The following ZBTB20 variants were observed in gnomAD, a reference collection of about 807,000 sequenced individuals.
ZBTB20 encodes zinc finger and BTB domain containing 20.
Under a neutral mutation model 56.9 loss-of-function variants are expected in ZBTB20, and 9 were observed. That is an observed-to-expected ratio of 0.16 (90% CI 0.10 to 0.28). The LOEUF (loss-of-function observed/expected upper bound fraction) is 0.28. Among genes scored for constraint, ZBTB20 ranks in the 10% least tolerant of loss-of-function variants. The pLI is 1.00. For missense variants in ZBTB20, 655 were observed against 1,003.0 expected (o/e 0.65, Z 4.69); for synonymous variants, 417 against 420.7 (o/e 0.99, Z 0.11).
chr3:114,810,737 C>T (rs922919169), intron 4 of ZBTB20, among the ~76,000 whole-genome samples: 1 of 152,178 alleles, frequency 6.6e-6, no homozygotes, highest in Admixed American at 6.5e-5. Context: ...CGAATGACCA[C>T]TGCCTAATTC....
intron 2 of ZBTB20, among the ~76,000 whole-genome samples, chr3:115,049,609 G>A (rs2081465610): frequency 1.3e-5 from 2 of 152,066 alleles, no homozygotes; most frequent in South Asian, 4.1e-4. Context: ...TTCCACTTCT[G>A]GCATCATGGC....
intron 2 of ZBTB20, among the ~76,000 whole-genome samples, chr3:115,062,960 C>G (rs181170761): frequency 6.6e-6 from 1 of 152,156 alleles, no homozygotes; most frequent in Non-Finnish European, 1.5e-5. Flanking sequence ...ACCTACCAAA[C>G]CAAATGAAAG....
intron 6 of ZBTB20, among the ~76,000 whole-genome samples, chr3:114,534,841 C>G (rs1018055567): frequency 1.3e-5 from 2 of 152,210 alleles, no homozygotes; most frequent in African/African-American, 4.8e-5. Context: ...GAAACTCACT[C>G]AAAACCACAC....
intron 4 of ZBTB20, among the ~76,000 whole-genome samples, chr3:114,850,649 G>C (rs1029590503): frequency 6.6e-6 from 1 of 152,224 alleles, no homozygotes; most frequent in Non-Finnish European, 1.5e-5. Flanking sequence ...TTTGAACTAA[G>C]GTGGTCTGGC....
At chr3:114,484,545 C>A (rs1452964386) in intron 7 of ZBTB20, among the ~76,000 whole-genome samples, 1 of 152,178 alleles carries the variant, frequency 6.6e-6, no homozygotes, top group Non-Finnish European at 1.5e-5. Flanking sequence ...ATGCAGCTTT[C>A]TTAATTAAGA....
chr3:114,665,385 A>C (rs1401775542), intron 6 of ZBTB20, among the ~76,000 whole-genome samples: 1 of 151,886 alleles, frequency 6.6e-6, no homozygotes, highest in Non-Finnish European at 1.5e-5. Flanking sequence ...GTTTAAGTAC[A>C]CTCTATGATG....
chr3:114,512,606 C>G (rs970410560), intron 6 of ZBTB20, among the ~76,000 whole-genome samples: 1 of 152,124 alleles, frequency 6.6e-6, no homozygotes, highest in African/African-American at 2.4e-5. Flanking sequence ...CCTTTGTGAG[C>G]TATACTATCA....
At position 115,073,066 on chromosome 3, in the gene ZBTB20, G is replaced by A. The variant is rs1394249889; in HGVS notation, c.-702-1652C>T. ...TTATCAGTGTCATTTTCTATAACAGGAGTAACAAATAGTTCATGTAAGAAA... is the reference window on the plus strand; with the variant it reads ...TTATCAGTGTCATTTTCTATAACAGAAGTAACAAATAGTTCATGTAAGAAA... On this transcript the variant is annotated intron_variant, in intron 1 of 11. Transcript: ENST00000675478. 2.0e-5 allele frequency among the ~76,000 whole-genome samples: 3 copies of A among 152,090 alleles called. No individual in the cohort carries two copies. In the South Asian group the frequency reaches 6.2e-4, roughly 32 times the overall value.
rs191474445 is a variant in ZBTB20 at position 114,653,823 on chromosome 3, C to A, written c.-295+39705G>T. ...AATCAATAAAGGAATATTTTGATTT[C>A]TTTGGTTTACTATGCCAGTTTTGTT... On this transcript the variant is annotated intron_variant, in intron 6 of 11. Coordinates refer to ENST00000675478, the MANE Select transcript of ZBTB20 (RefSeq NM_001348800.3). Among the ~76,000 whole-genome samples, 395 of 151,888 alleles carry A rather than the reference C, an allele frequency of 2.6e-3. 1 individual carries two copies. Among genetic ancestry groups the A allele is most frequent in the Non-Finnish European group, 4.7e-3 (317 of 67,796 alleles).
At chr3:114,773,572 C>T (rs1391970341) in intron 5 of ZBTB20, among the ~76,000 whole-genome samples, 1 of 152,168 alleles carries the variant, frequency 6.6e-6, no homozygotes, top group African/African-American at 2.4e-5. Flanking sequence ...AAATTGTCCT[C>T]ACCAAGGAAC....
chr3:114,742,566 T>C (rs2066686849), intron 5 of ZBTB20, among the ~76,000 whole-genome samples: 1 of 152,172 alleles, frequency 6.6e-6, no homozygotes, highest in South Asian at 2.1e-4. Flanking sequence ...ACAAGACAAG[T>C]GCTATTATTT....
chr3:114,390,536 C>A (rs778499203), intron 7 of ZBTB20, among the ~76,000 whole-genome samples: 39 of 152,200 alleles, frequency 2.6e-4, no homozygotes, highest in Admixed American at 7.2e-4. Flanking sequence ...GCCTTCTTCA[C>A]TGGCTTATTT....
chr3:115,109,362 T>C (rs556266966), intron 1 of ZBTB20, among the ~76,000 whole-genome samples: 60 of 152,314 alleles, frequency 3.9e-4, no homozygotes, highest in Admixed American at 1.2e-3. Context: ...TCCTTACTGT[T>C]TGACCTGGTG....
intron 6 of ZBTB20, among the ~76,000 whole-genome samples, chr3:114,555,221 C>T (rs970260968): frequency 1.3e-5 from 2 of 152,112 alleles, no homozygotes; most frequent in African/African-American, 4.8e-5. Context: ...AAGTAAAGGG[C>T]TTCTAGAGAT....
intron 4 of ZBTB20, among the ~76,000 whole-genome samples, chr3:114,882,504 C>T (rs114400478): frequency 0.02 from 3,072 of 151,778 alleles, 47 homozygotes; most frequent in Middle Eastern, 0.088. Context: ...TTTTAAACAG[C>T]GAAGAAACTG....
chr3:114,517,371 C>A (rs183535399), intron 6 of ZBTB20, among the ~76,000 whole-genome samples: 3 of 152,214 alleles, frequency 2.0e-5, no homozygotes, highest in Admixed American at 6.5e-5. Context: ...CACTGAGAGT[C>A]ATAGGCATTT....
intron 6 of ZBTB20, among the ~76,000 whole-genome samples, chr3:114,682,074 T>C (rs2062008725): frequency 6.6e-6 from 1 of 152,166 alleles, no homozygotes; most frequent in East Asian, 1.9e-4. Flanking sequence ...TGACATCTGA[T>C]TTAAATTTCA....
chr3:114,715,821 G>C (rs1022961718), intron 5 of ZBTB20, among the ~76,000 whole-genome samples: 1 of 152,076 alleles, frequency 6.6e-6, no homozygotes, highest in African/African-American at 2.4e-5. Context: ...CTTTATCCAA[G>C]ACTCCCAGGA....
Position 114,337,338 on chromosome 3 carries a change from T to TC in ZBTB20, c.*1666dup, listed in dbSNP as rs751680739. On this transcript the variant is annotated 3_prime_UTR_variant, in exon 12 of 12. Coordinates refer to ENST00000675478, the MANE Select transcript of ZBTB20 (RefSeq NM_001348800.3). ...GGAGCTATGGCAGAGTTTTGTGAAC[T>TC]CCTCTTCCTGGCTGATCACAAAAGA... The TC allele has an allele frequency of 2.0e-5, 3 of 152,200 alleles. No homozygotes were observed. Among genetic ancestry groups the TC allele is most frequent in the Admixed American group, 6.5e-5 (1 of 15,290 alleles). The allele number at this position is 152,200 out of a possible 1,614,324, so 9.4% of individuals were successfully genotyped here.
Sources: gnomAD v4.1 joint callset for allele counts (sites outside exome capture counted in the v4.1 genomes callset) on GRCh38, gnomAD v4.1.1 for gene constraint, MANE v1.5 for transcripts, NCBI Gene and HGNC (gene_info 2026-07-23, HGNC 2026-07-21) for gene names.